CDH18: variants seen among roughly 807,000 people sequenced by gnomAD.
CDH18 encodes cadherin-18.
Under a neutral mutation model 67.9 loss-of-function variants are expected in CDH18, and 31 were observed. The ratio of observed to expected loss-of-function variants is 0.46; its 90% confidence interval spans 0.34 to 0.62. CDH18 has a LOEUF of 0.62. CDH18 is among the 20% of genes least tolerant of loss of function. The probability of loss-of-function intolerance (pLI) is 0.01; values close to 1 mark genes in which losing one functional copy is unlikely to be tolerated. For missense variants in CDH18, 890 were observed against 975.5 expected (o/e 0.91, Z 1.17); for synonymous variants, 362 against 347.2 (o/e 1.04, Z -0.48).
At chr5:19,662,572 T>C (rs768961196) in intron 5 of CDH18, among the ~76,000 whole-genome samples, 1 of 152,074 alleles carries the variant, frequency 6.6e-6, no homozygotes, top group East Asian at 1.9e-4. Context: ...TCCTGTTTGA[T>C]AAAATAATTA....
At chr5:19,886,047 T>C (rs887482612) in intron 2 of CDH18, 5 of 152,170 alleles carry the variant, frequency 3.3e-5, no homozygotes, top group Non-Finnish European at 7.3e-5. Context: ...AATGAGTTTT[T>C]CACAATCACA....
At chr5:19,863,893 G>T (rs1005451620) in intron 2 of CDH18, among the ~76,000 whole-genome samples, 5 of 152,110 alleles carry the variant, frequency 3.3e-5, no homozygotes, top group African/African-American at 9.7e-5. Context: ...ACACAAACTC[G>T]ATGTGGAGAA....
At chr5:19,918,032 T>C (rs1247436206) in intron 2 of CDH18, among the ~76,000 whole-genome samples, 1 of 152,160 alleles carries the variant, frequency 6.6e-6, no homozygotes, top group Non-Finnish European at 1.5e-5. Flanking sequence ...TGAGCATTAT[T>C]GCTTAGAAAA....
chr5:19,821,406 CA>C (rs566178728), intron 3 of CDH18, among the ~76,000 whole-genome samples: 4,123 of 93,118 alleles, frequency 0.044, 61 homozygotes, highest in African/African-American at 0.074. Context: ...AAACAAAAAA[CA>C]AAAAAAAAAA....
chr5:19,748,067 C>G (rs1022343256), intron 3 of CDH18, among the ~76,000 whole-genome samples: 3 of 127,008 alleles, frequency 2.4e-5, no homozygotes, highest in African/African-American at 8.9e-5. Context: ...GAGCCGAGAT[C>G]GCGCCACTGC....
intron 9 of CDH18, among the ~76,000 whole-genome samples, chr5:19,532,766 T>G (rs187627577): frequency 1.1e-3 from 167 of 152,304 alleles, no homozygotes; most frequent in African/African-American, 3.8e-3. Flanking sequence ...TAGGAAATAG[T>G]TGACTTATAA....
intron 2 of CDH18, among the ~76,000 whole-genome samples, chr5:19,994,381 C>G (rs1735717247): frequency 1.3e-5 from 2 of 150,936 alleles, no homozygotes; most frequent in South Asian, 2.1e-4. Flanking sequence ...AGAATCCTGA[C>G]TGATATAATA....
chr5:19,838,305 A>T (rs1043782055), intron 3 of CDH18, among the ~76,000 whole-genome samples: 1 of 152,164 alleles, frequency 6.6e-6, no homozygotes, highest in African/African-American at 2.4e-5. Context: ...GATATTAGAA[A>T]ATATGTGTGA....
At chr5:19,841,063 AG>A (rs1447689520) in intron 2 of CDH18, among the ~76,000 whole-genome samples, 4 of 152,184 alleles carry the variant, frequency 2.6e-5, no homozygotes, top group Non-Finnish European at 5.9e-5. Context: ...GAAGGAAAAA[AG>A]TCACATTAGA....
At chr5:19,960,341 A>T (rs1457293828) in intron 2 of CDH18, among the ~76,000 whole-genome samples, 1 of 151,830 alleles carries the variant, frequency 6.6e-6, no homozygotes, top group African/African-American at 2.4e-5. Flanking sequence ...CTTTTTAAAC[A>T]TTTTTGTTAA....
In CDH18 at chr5:20,554,290, A is replaced by G. The variant is rs1581192481; in HGVS notation, c.-580+21172T>C. Among the ~76,000 whole-genome samples the G allele has an allele frequency of 2.6e-5, 4 of 152,340 alleles. No homozygotes were observed. In the South Asian group the frequency reaches 8.3e-4, roughly 32 times the overall value. On this transcript the variant is annotated intron_variant, in intron 1 of 14. Transcript: ENST00000507958. Reference sequence around the variant, plus strand: ...ATGGTCCAGGTTTGACCCAAGGGTCATAATTTCCCTTCAGCATACAAACAT... The same window carrying G: ...ATGGTCCAGGTTTGACCCAAGGGTCGTAATTTCCCTTCAGCATACAAACAT...
intron 2 of CDH18, among the ~76,000 whole-genome samples, chr5:19,939,021 G>A (rs1221076242): frequency 6.6e-6 from 1 of 150,876 alleles, no homozygotes; most frequent in Non-Finnish European, 1.5e-5. Flanking sequence ...ACAAAGAGAT[G>A]CTCCAAATGT....
intron 1 of CDH18, among the ~76,000 whole-genome samples, chr5:20,275,908 T>C (rs1745774866): frequency 6.6e-6 from 1 of 152,076 alleles, no homozygotes; most frequent in South Asian, 2.1e-4. Context: ...GGACTTTGCA[T>C]CAGAACTCAT....
At chr5:19,660,831 G>A (rs1424781134) in intron 5 of CDH18, among the ~76,000 whole-genome samples, 6 of 152,040 alleles carry the variant, frequency 3.9e-5, no homozygotes, top group Non-Finnish European at 7.4e-5. Context: ...TCAGCTGTGT[G>A]AGAGGCTAAG....
At chr5:19,569,921 T>A (rs62349541) in intron 8 of CDH18, among the ~76,000 whole-genome samples, 15,912 of 152,104 alleles carry the variant, frequency 0.1, 1,084 homozygotes, top group African/African-American at 0.19. Context: ...TAAATTAAAC[T>A]AATGGTTGCA....
At chr5:19,480,092 A>G (rs1739149002) in intron 12 of CDH18, among the ~76,000 whole-genome samples, 1 of 152,018 alleles carries the variant, frequency 6.6e-6, no homozygotes, top group South Asian at 2.1e-4. Context: ...AACAAGCTCA[A>G]AATTTGAAGA....
chr5:19,623,751 A>G (rs969164462), intron 5 of CDH18, among the ~76,000 whole-genome samples: 5 of 151,474 alleles, frequency 3.3e-5, no homozygotes, highest in African/African-American at 4.8e-5. Context: ...AGAGTCATAT[A>G]ATTTTAAATA....
chr5:19,834,801 C>A (rs1259267419), intron 3 of CDH18, among the ~76,000 whole-genome samples: 1 of 152,012 alleles, frequency 6.6e-6, no homozygotes, highest in African/African-American at 2.4e-5. Context: ...CATTCAGGAG[C>A]AGGTTGCATG....
chr5:19,786,121 A>G (rs1028723850), intron 3 of CDH18, among the ~76,000 whole-genome samples: 6 of 152,136 alleles, frequency 3.9e-5, no homozygotes, highest in Non-Finnish European at 7.4e-5. Flanking sequence ...ATGAATGCAT[A>G]TATTACTTAT....
Sources: gnomAD v4.1 joint callset for allele counts (sites outside exome capture counted in the v4.1 genomes callset) on GRCh38, gnomAD v4.1.1 for gene constraint, MANE v1.5 for transcripts, NCBI Gene and HGNC (gene_info 2026-07-23, HGNC 2026-07-21) for gene names.